The following KLK8 variants were observed in gnomAD, a reference collection of about 807,000 sequenced individuals.
KLK8 encodes the protein kallikrein related peptidase 8.
Under a neutral mutation model 26.7 loss-of-function variants are expected in KLK8, and 18 were observed. The ratio of observed to expected loss-of-function variants is 0.67; its 90% CI spans 0.47 to 1.00. KLK8 has a LOEUF of 1.00. Among genes scored for constraint, KLK8 ranks in the 50% least tolerant of loss-of-function variants. The pLI is 0.00. For synonymous variants in KLK8, 137 were observed against 127.1 expected (o/e 1.08, Z -0.52); for missense variants, 301 against 331.7 (o/e 0.91, Z 0.72).
chr19:51,000,732 A>G, intron 3 of KLK8, 149 bp from the exon 3 acceptor site: 1 of 1,525,156 alleles, frequency 6.6e-7, no homozygotes, highest in Non-Finnish European at 8.8e-7. Flanking sequence ...CCACACGGGG[A>G]CACTCATTTC....
chr19:50,999,386 C>A (rs1256338263), intron 5 of KLK8, among the ~76,000 whole-genome samples: 1 of 151,468 alleles, frequency 6.6e-6, no homozygotes, highest in Non-Finnish European at 1.5e-5. Flanking sequence ...TCGAGACCAG[C>A]CTGGTCAACA....
intron 5 of KLK8, among the ~76,000 whole-genome samples, chr19:50,999,583 CAAAAAAAAAAAAAAAAAAAAAAAAAAAA>C (rs56988162): frequency 3.0e-4 from 9 of 30,290 alleles, no homozygotes; most frequent in Admixed American, 5.8e-4. Flanking sequence ...TGTCCCCCTG[CAAAAAAAAAAAAAAAAAAAAAAAAAAAA>C]AAAAAAAAAA....
At position 51,000,639 on chromosome 19, in the gene KLK8, G is replaced by T; in HGVS notation, c.71-56C>A. On this transcript the variant is annotated intron_variant, in intron 3 of 6. Transcript: ENST00000600767. ...ACCCTCTGGGGCAGTGCGAGGGCTGGGAAGGCCACTGTGGGTTCAAATGGA... is the reference window on the plus strand; with the variant it reads ...ACCCTCTGGGGCAGTGCGAGGGCTGTGAAGGCCACTGTGGGTTCAAATGGA... 3 of 1,598,590 alleles carry T rather than the reference G, an allele frequency of 1.9e-6. No individual in the cohort carries two copies. The Middle Eastern group carries it at 5.0e-4, about 266-fold the overall frequency.
chr19:51,001,049 T>C, intron 3 of KLK8, 49 bp downstream of exon 2: 1 of 1,536,822 alleles, frequency 6.5e-7, no homozygotes, highest in Non-Finnish European at 8.9e-7. Flanking sequence ...CCAGCGCCAC[T>C]GCTGCCTTCA....
intron 2 of KLK8, 101 bp from the exon 2 acceptor site, chr19:51,001,276 T>C: frequency 1.1e-6 from 1 of 946,174 alleles, no homozygotes; most frequent in Non-Finnish European, 1.6e-6. Flanking sequence ...TATCTGGGGC[T>C]GTTCTGGGCT....
At chr19:50,996,117 T>G (rs1479990884) in exon 7 of KLK8, 1 of 1,614,228 alleles carries the variant, frequency 6.2e-7, no homozygotes, top group East Asian at 2.2e-5. Context: ...GATGTTGGTA[T>G]AGACGCCAGG....
intron 6 of KLK8, 77 bp downstream of exon 5, chr19:50,997,668 ACCACCC>A: frequency 8.0e-6 from 12 of 1,495,586 alleles, no homozygotes; most frequent in Non-Finnish European, 1.1e-5. Context: ...TCACTCCCTT[ACCACCC>A]CCACCCCCAT....
intron 6 of KLK8, among the ~76,000 whole-genome samples, chr19:50,996,488 C>G (rs1256365322): frequency 6.6e-6 from 1 of 151,796 alleles, no homozygotes; most frequent in East Asian, 1.9e-4. Context: ...AATCCCGGCA[C>G]TTTGGGAGGC....
Position 50,996,194 on chromosome 19 carries a change from C to T in KLK8, c.648G>A (p.Leu216=), listed in dbSNP as rs564343570. 3.1e-6 allele frequency: 5 copies of T among 1,614,158 alleles called. No homozygotes were observed. The South Asian group carries it at 4.4e-5, about 14-fold the overall frequency. Residue 216 remains leucine, a synonymous_variant, in exon 7 of 7, where the codon CTG becomes CTA. Coordinates refer to ENST00000600767, the Ensembl canonical transcript of KLK8. ...TGCCCTGGAGTGCACCATCACACACCAGGGGGCCTCCAGAATCGCCCTAGA... is the reference window on the plus strand; with the variant it reads ...TGCCCTGGAGTGCACCATCACACACTAGGGGGCCTCCAGAATCGCCCTAGA...
rs1335952578 is a variant in KLK8 at position 50,999,598 on chromosome 19, A to AAAAAAAAG, written c.493+397_493+398insCTTTTTTT. 1.7e-3 allele frequency among the ~76,000 whole-genome samples: 172 copies of AAAAAAAAG among 103,638 alleles called. 9 individuals carry two copies. Among genetic ancestry groups the AAAAAAAAG allele is most frequent in the African/African-American group, 8.8e-3 (164 of 18,538 alleles). The allele number at this position is 103,638 out of a possible 152,430, so 68.0% of individuals were successfully genotyped here. A position where few individuals can be genotyped will look rare whatever the true frequency, so the allele number is the denominator to read the frequency against. ...TGTCCCCCTGCAAAAAAAAAAAAAAAAAAAAAAAAAAAAAAAAAAAAAAAA... is the reference window on the plus strand; with the variant it reads ...TGTCCCCCTGCAAAAAAAAAAAAAAAAAAAAAAGAAAAAAAAAAAAAAAAAAAAAAAAA... On this transcript the variant is annotated intron_variant, in intron 5 of 6. Coordinates refer to ENST00000600767, the Ensembl canonical transcript of KLK8.
intron 6 of KLK8, among the ~76,000 whole-genome samples, chr19:50,996,893 GACACAC>G (rs368604260): frequency 0.054 from 4,348 of 81,218 alleles, 130 homozygotes; most frequent in African/African-American, 0.14. Context: ...GATTCTTATG[GACACAC>G]ACACACACAC....
At chr19:50,996,194 C>G in exon 7 of KLK8, 1 of 1,614,158 alleles carries the variant, frequency 6.2e-7, no homozygotes, top group African/African-American at 1.3e-5. Context: ...CATCACACAC[C>G]AGGGGGCCTC....
exon 5 of KLK8, chr19:51,000,048 C>T (rs750327852): frequency 1.9e-6 from 3 of 1,613,162 alleles, no homozygotes; most frequent in East Asian, 4.5e-5. Flanking sequence ...TCTGGCCAGG[C>T]TGGGTGCAAT....
At chr19:50,999,892 C>T (rs1187898688) in intron 5 of KLK8, 104 bp downstream of exon 4, 3 of 1,211,374 alleles carry the variant, frequency 2.5e-6, no homozygotes, top group Admixed American at 4.8e-5. Flanking sequence ...TGATCACTTT[C>T]CCTTCTTTGT....
exon 3 of KLK8, chr19:51,001,136 G>T: frequency 6.2e-7 from 1 of 1,613,506 alleles, no homozygotes; most frequent in Non-Finnish European, 8.5e-7. Flanking sequence ...GAACATCCAC[G>T]TCTTGGCCGC....
At chr19:51,000,211 C>A in exon 5 of KLK8, 1 of 1,606,222 alleles carries the variant, frequency 6.2e-7, no homozygotes. Context: ...TTGCTCTGGG[C>A]CATCTTTATT....
chr19:50,997,915 A>G (rs2091185791), intron 5 of KLK8, 31 bp from the exon 5 acceptor site: 1 of 1,612,530 alleles, frequency 6.2e-7, no homozygotes. Context: ...AGGTTCCCTG[A>G]GAGAGCAGCC....
At chr19:50,998,652 C>G (rs952712009) in intron 5 of KLK8, among the ~76,000 whole-genome samples, 7 of 152,192 alleles carry the variant, frequency 4.6e-5, no homozygotes, top group African/African-American at 1.2e-4. Context: ...AAGCAATATG[C>G]TCATAATCTC....
intron 5 of KLK8, 70 bp from the exon 5 acceptor site, chr19:50,997,954 C>A: frequency 6.3e-7 from 1 of 1,586,252 alleles, no homozygotes; most frequent in Non-Finnish European, 8.6e-7. Context: ...CTGGATCTAA[C>A]CCCCTTTCTT....
Sources: gnomAD v4.1 joint callset for allele counts (sites outside exome capture counted in the v4.1 genomes callset) on GRCh38, gnomAD v4.1.1 for gene constraint, MANE v1.5 for transcripts, NCBI Gene and HGNC (gene_info 2026-07-23, HGNC 2026-07-21) for gene names.